Variants in ANKS1B observed in about 807,000 individuals in gnomAD.
ANKS1B encodes ankyrin repeat and sterile alpha motif domain-containing protein 1B.
ANKS1B carries 36 observed loss-of-function variants against 148.3 expected under a neutral mutation model. The observed-to-expected ratio is 0.24, with a 90% CI of 0.19 to 0.32. ANKS1B has a LOEUF of 0.32. Among genes scored for constraint, ANKS1B ranks in the 10% least tolerant of loss-of-function variants. The pLI is 1.00. For missense variants in ANKS1B, 1,157 were observed against 1,542.6 expected, an observed-to-expected ratio of 0.75 and a Z score of 4.19; for synonymous variants, 542 against 560.8, an observed-to-expected ratio of 0.97 and a Z score of 0.47.
In ANKS1B at chr12:98,745,024, G is replaced by GAAAC; in HGVS notation, c.*711_*714dup. 1.0e-6 allele frequency: 1 copy of GAAAC among 985,304 alleles called. No homozygotes were observed. Among genetic ancestry groups the GAAAC allele is most frequent in the African/African-American group, 1.7e-5 (1 of 57,312 alleles). The allele number at this position is 985,304 out of a possible 1,614,324, so 61.0% of individuals were successfully genotyped here. A position where few individuals can be genotyped will look rare whatever the true frequency, so the allele number is the denominator to read the frequency against. ...CTAGTTTTCTTATCAATGCATTAATGAAACATTCTTTTAATAAAAATATTT... is the reference window on the plus strand; with the variant it reads ...CTAGTTTTCTTATCAATGCATTAATGAAACAAACATTCTTTTAATAAAAATATTT... On this transcript the variant is annotated 3_prime_UTR_variant, in exon 27 of 27. Coordinates refer to ENST00000683438, the MANE Select transcript of ANKS1B (RefSeq NM_001352186.2).
chr12:99,055,724 G>C (rs55772497), intron 16 of ANKS1B, among the ~76,000 whole-genome samples: 10 of 84,774 alleles, frequency 1.2e-4, no homozygotes, highest in South Asian at 7.1e-4. Context: ...CTAAACTTGG[G>C]GGGGGGGGAG....
At chr12:98,750,503 T>C (rs1430037761) in intron 26 of ANKS1B, among the ~76,000 whole-genome samples, 1 of 152,130 alleles carries the variant, frequency 6.6e-6, no homozygotes, top group Admixed American at 6.5e-5. Context: ...CCTGCTGCTG[T>C]TCCCCATGAC....
intron 24 of ANKS1B, among the ~76,000 whole-genome samples, chr12:98,774,904 A>G (rs144635979): frequency 8.8e-4 from 134 of 152,352 alleles, no homozygotes; most frequent in African/African-American, 2.8e-3. Context: ...GAATCCCATA[A>G]ACAAGTAACA....
intron 17 of ANKS1B, among the ~76,000 whole-genome samples, chr12:99,006,378 T>G (rs547766944): frequency 2.0e-5 from 3 of 152,318 alleles, no homozygotes; most frequent in Admixed American, 2.0e-4. Flanking sequence ...GATTCATGAC[T>G]AGGCAGACAG....
At chr12:99,559,515 G>A (rs147514413) in intron 9 of ANKS1B, among the ~76,000 whole-genome samples, 61 of 152,100 alleles carry the variant, frequency 4.0e-4, no homozygotes, top group South Asian at 3.1e-3. Context: ...AATATTACTC[G>A]TTCCAGTTGC....
At chr12:99,066,396 C>T (rs1206130800) in intron 16 of ANKS1B, among the ~76,000 whole-genome samples, 1 of 152,076 alleles carries the variant, frequency 6.6e-6, no homozygotes, top group Non-Finnish European at 1.5e-5. Flanking sequence ...GAGAGAACAA[C>T]TAGAGCAAAG....
intron 14 of ANKS1B, among the ~76,000 whole-genome samples, chr12:99,166,923 C>A (rs140790738): frequency 0.011 from 1,645 of 151,998 alleles, 19 homozygotes; most frequent in Admixed American, 0.017. Context: ...ACAAACAGAT[C>A]AATGAAACAA....
intron 14 of ANKS1B, among the ~76,000 whole-genome samples, chr12:99,194,375 C>T (rs779285949): frequency 3.0e-4 from 46 of 152,036 alleles, no homozygotes; most frequent in Non-Finnish European, 5.6e-4. Context: ...TGTGCTGGTG[C>T]TTTCCTTGAC....
At position 98,953,537 on chromosome 12, in the gene ANKS1B, G is replaced by GTTTTTTTTTT. The variant is rs1166158783; in HGVS notation, c.2778+99610_2778+99619dup. 1.3e-3 allele frequency among the ~76,000 whole-genome samples: 72 copies of GTTTTTTTTTT among 57,454 alleles called. 13 individuals carry two copies. The highest frequency in any genetic ancestry group is 5.0e-3 in the African/African-American group (68 of 13,568). The allele number at this position is 57,454 out of a possible 152,430, so 37.7% of individuals were successfully genotyped here. A position where few individuals can be genotyped will look rare whatever the true frequency, so the allele number is the denominator to read the frequency against. On this transcript the variant is annotated intron_variant, in intron 17 of 26. Transcript: ENST00000683438. ...CATGTCCATTTGAGAATCTAGAGTG[G>GTTTTTTTTTT]TTTTTTTTTTTTTTTTTTTTTTTTT... is the stretch of plus-strand genomic sequence containing the variant.
chr12:99,738,992 G>A (rs2059851564), intron 8 of ANKS1B, among the ~76,000 whole-genome samples: 1 of 151,982 alleles, frequency 6.6e-6, no homozygotes, highest in South Asian at 2.1e-4. Context: ...GGAATATTAA[G>A]TCCTCTAGTG....
chr12:99,471,658 A>G (rs1038340153), intron 10 of ANKS1B, among the ~76,000 whole-genome samples: 2 of 151,958 alleles, frequency 1.3e-5, no homozygotes, highest in Non-Finnish European at 2.9e-5. Context: ...GCACACACAC[A>G]CACACACACA....
At chr12:99,625,596 A>G (rs1459583289) in intron 9 of ANKS1B, among the ~76,000 whole-genome samples, 2 of 152,184 alleles carry the variant, frequency 1.3e-5, no homozygotes, top group Admixed American at 6.5e-5. Flanking sequence ...AGTGATAAGA[A>G]TAGTAGTTGT....
At chr12:99,954,965 C>T (rs772441666) in intron 1 of ANKS1B, among the ~76,000 whole-genome samples, 41 of 152,212 alleles carry the variant, frequency 2.7e-4, no homozygotes, top group Non-Finnish European at 5.1e-4. Context: ...TCCTGATCTC[C>T]TACATTCCCA....
At chr12:99,883,000 A>G (rs1385364965) in intron 1 of ANKS1B, among the ~76,000 whole-genome samples, 1 of 152,210 alleles carries the variant, frequency 6.6e-6, no homozygotes, top group East Asian at 1.9e-4. Flanking sequence ...AGACTTCTCT[A>G]CAAGAATGAC....
At chr12:99,910,414 G>A (rs1049500940) in intron 1 of ANKS1B, among the ~76,000 whole-genome samples, 1 of 150,588 alleles carries the variant, frequency 6.6e-6, no homozygotes, top group African/African-American at 2.4e-5. Context: ...TAACATGGGT[G>A]AATTCTGAAA....
chr12:99,749,125 T>C (rs775363215), intron 8 of ANKS1B, among the ~76,000 whole-genome samples: 1 of 152,100 alleles, frequency 6.6e-6, no homozygotes, highest in East Asian at 1.9e-4. Flanking sequence ...TAACTGAACA[T>C]TTCTGTTCAA....
At chr12:99,042,274 A>G (rs935056408) in intron 17 of ANKS1B, among the ~76,000 whole-genome samples, 4 of 152,154 alleles carry the variant, frequency 2.6e-5, no homozygotes, top group Non-Finnish European at 5.9e-5. Flanking sequence ...GTAGAGGTGT[A>G]AAAAAGCGCT....
chr12:99,331,060 T>C (rs1276449940), intron 12 of ANKS1B, among the ~76,000 whole-genome samples: 1 of 152,032 alleles, frequency 6.6e-6, no homozygotes, highest in African/African-American at 2.4e-5. Context: ...AAAAAAGCTT[T>C]GTAATCACTT....
chr12:99,453,033 G>C (rs996060647), intron 10 of ANKS1B, among the ~76,000 whole-genome samples: 11 of 152,300 alleles, frequency 7.2e-5, no homozygotes, highest in African/African-American at 2.4e-4. Flanking sequence ...GCTCACGCCT[G>C]TAATCCTAGC....
Sources: gnomAD v4.1 joint callset for allele counts (sites outside exome capture counted in the v4.1 genomes callset) on GRCh38, gnomAD v4.1.1 for gene constraint, MANE v1.5 for transcripts, NCBI Gene and HGNC (gene_info 2026-07-23, HGNC 2026-07-21) for gene names.